Variants in ZEB1 observed in about 807,000 individuals in gnomAD.
The protein encoded by ZEB1 is zinc finger E-box-binding homeobox 1.
A neutral mutation model predicts 84.9 loss-of-function variants in ZEB1; 21 were observed. That is an observed-to-expected ratio of 0.25 (90% CI 0.18 to 0.36). ZEB1 has a LOEUF of 0.36. Ranked by LOEUF, ZEB1 falls within the 10% of genes least tolerant of loss-of-function variation. ZEB1 has a pLI of 1.00. For missense variants in ZEB1, 1,104 were observed against 1,330.2 expected (o/e 0.83, Z 2.65); for synonymous variants, 420 against 471.1 (o/e 0.89, Z 1.41).
Position 31,373,412 on chromosome 10 carries a change from T to C in ZEB1, c.58+54120T>C, listed in dbSNP as rs140384661. ...GTATAAAAGTATGGAAAATCAATTATATAGTTCATGTCTGGTTTAAAAATT... is the reference window on the plus strand; with the variant it reads ...GTATAAAAGTATGGAAAATCAATTACATAGTTCATGTCTGGTTTAAAAATT... On this transcript the variant is annotated intron_variant, in intron 1 of 8. Transcript: ENST00000424869. Among the ~76,000 whole-genome samples, 41 of 151,982 alleles carry C rather than the reference T, an allele frequency of 2.7e-4. No individual in the cohort carries two copies. The East Asian group carries it at 6.2e-3, about 23-fold the overall frequency.
At chr10:31,449,965 C>T (rs981800170) in intron 1 of ZEB1, among the ~76,000 whole-genome samples, 1 of 152,158 alleles carries the variant, frequency 6.6e-6, no homozygotes, top group Non-Finnish European at 1.5e-5. Flanking sequence ...GAATATATAA[C>T]ATGCTCAAGG....
At chr10:31,515,666 A>G (rs2070950281) in intron 6 of ZEB1, among the ~76,000 whole-genome samples, 3 of 152,088 alleles carry the variant, frequency 2.0e-5, no homozygotes, top group African/African-American at 7.2e-5. Flanking sequence ...TGTATTGCTC[A>G]TTAAGGCTAA....
At chr10:31,367,426 A>G (rs1448155204) in intron 1 of ZEB1, among the ~76,000 whole-genome samples, 1 of 152,100 alleles carries the variant, frequency 6.6e-6, no homozygotes, top group Non-Finnish European at 1.5e-5. Context: ...AATGGTAGTG[A>G]TGATGATGAT....
chr10:31,465,246 T>C (rs897058794), intron 2 of ZEB1, among the ~76,000 whole-genome samples: 4 of 151,674 alleles, frequency 2.6e-5, no homozygotes, highest in Admixed American at 2.6e-4. Context: ...TTAATAGATA[T>C]ACAATATACA....
intron 1 of ZEB1, among the ~76,000 whole-genome samples, chr10:31,329,796 A>G (rs2036375312): frequency 6.6e-6 from 1 of 152,066 alleles, no homozygotes; most frequent in Non-Finnish European, 1.5e-5. Flanking sequence ...ACCGGTGACT[A>G]ATGATGTTTG....
intron 1 of ZEB1, among the ~76,000 whole-genome samples, chr10:31,452,108 A>G (rs1351633355): frequency 1.3e-5 from 2 of 150,746 alleles, no homozygotes; most frequent in Non-Finnish European, 2.9e-5. Context: ...AAATATAAAA[A>G]GAGTTTATGA....
chr10:31,496,186 G>T (rs761962562), intron 3 of ZEB1, among the ~76,000 whole-genome samples: 13 of 151,914 alleles, frequency 8.6e-5, no homozygotes, highest in Non-Finnish European at 1.6e-4. Flanking sequence ...TTTGAGTTTC[G>T]TTATTAGTTA....
intron 2 of ZEB1, among the ~76,000 whole-genome samples, chr10:31,481,167 C>T (rs1016247111): frequency 1.5e-4 from 23 of 151,906 alleles, no homozygotes; most frequent in Admixed American, 4.6e-4. Context: ...GATTTCTCAC[C>T]GTAAGATAAA....
intron 2 of ZEB1, among the ~76,000 whole-genome samples, chr10:31,481,846 C>G (rs1034882220): frequency 6.6e-6 from 1 of 151,732 alleles, no homozygotes; most frequent in African/African-American, 2.4e-5. Context: ...ACTTAAACAC[C>G]TGGGAGGGAA....
intron 1 of ZEB1, among the ~76,000 whole-genome samples, chr10:31,357,089 A>G (rs763239849): frequency 2.8e-4 from 42 of 152,192 alleles, no homozygotes; most frequent in Admixed American, 6.5e-4. Context: ...TAAGAGGTCA[A>G]AAGTATTTCT....
intron 1 of ZEB1, among the ~76,000 whole-genome samples, chr10:31,378,898 C>A (rs1175893822): frequency 6.6e-6 from 1 of 151,968 alleles, no homozygotes; most frequent in Non-Finnish European, 1.5e-5. Flanking sequence ...CTTTCTAGTT[C>A]AAATGTATTT....
At chr10:31,473,741 T>C (rs1016088933) in intron 2 of ZEB1, among the ~76,000 whole-genome samples, 5 of 149,790 alleles carry the variant, frequency 3.3e-5, no homozygotes, top group African/African-American at 1.2e-4. Flanking sequence ...AAAAAGAGCC[T>C]GCATCGCCAA....
At chr10:31,343,167 C>T (rs966580070) in intron 1 of ZEB1, among the ~76,000 whole-genome samples, 4 of 152,078 alleles carry the variant, frequency 2.6e-5, no homozygotes, top group African/African-American at 4.8e-5. Flanking sequence ...TTTCATGAAG[C>T]TCTTGAGAGC....
chr10:31,330,879 T>C (rs1179467557), intron 1 of ZEB1, among the ~76,000 whole-genome samples: 1 of 151,938 alleles, frequency 6.6e-6, no homozygotes, highest in East Asian at 1.9e-4. Context: ...TCCTTGAAAA[T>C]TCGTTATAAG....
intron 1 of ZEB1, among the ~76,000 whole-genome samples, chr10:31,338,767 A>G (rs570948617): frequency 3.3e-5 from 5 of 152,282 alleles, no homozygotes; most frequent in African/African-American, 9.6e-5. Context: ...TTGCAGATCT[A>G]CCCGTAATGC....
intron 5 of ZEB1, among the ~76,000 whole-genome samples, chr10:31,512,690 C>T (rs1318772113): frequency 6.6e-6 from 1 of 152,012 alleles, no homozygotes; most frequent in Non-Finnish European, 1.5e-5. Flanking sequence ...AGGGACCATA[C>T]ATTAGTAGAT....
At chr10:31,488,147 G>T (rs562808561) in intron 2 of ZEB1, among the ~76,000 whole-genome samples, 28 of 150,970 alleles carry the variant, frequency 1.9e-4, no homozygotes, top group African/African-American at 6.5e-4. Context: ...ATTTAAATTG[G>T]TGTTATTTCT....
intron 1 of ZEB1, chr10:31,320,299 G>T (rs2033563722): frequency 6.6e-6 from 1 of 152,214 alleles, no homozygotes; most frequent in Non-Finnish European, 1.5e-5. Context: ...TTAGAGACCG[G>T]GAAGCACCAC....
rs1468164624 is a variant in ZEB1, at chr10:31,380,235, C to A, written c.58+60943C>A. 2.6e-5 allele frequency among the ~76,000 whole-genome samples: 4 copies of A among 152,090 alleles called. No homozygotes were observed. In the East Asian group the frequency reaches 7.7e-4, roughly 29 times the overall value. On this transcript the variant is annotated intron_variant, in intron 1 of 8. Transcript: ENST00000424869. ...TAATGAAAAAACTGGGTAAACTATC[C>A]TGTAGAATATCCTCCATTCTGGATT...
Sources: allele counts gnomAD v4.1 joint callset (sites outside exome capture counted in the v4.1 genomes callset), GRCh38; gene constraint gnomAD v4.1.1; transcripts MANE v1.5; gene names NCBI Gene and HGNC (gene_info 2026-07-23, HGNC 2026-07-21).